The following MAGI2 variants were observed in gnomAD, a reference collection of about 807,000 sequenced individuals.
MAGI2 encodes the protein membrane associated guanylate kinase, WW and PDZ domain containing 2, also known as membrane-associated guanylate kinase, WW and PDZ domain-containing protein 2.
MAGI2 carries 35 observed loss-of-function variants against 133.3 expected under a neutral mutation model. The ratio of observed to expected loss-of-function variants is 0.26; its 90% CI spans 0.20 to 0.35. The LOEUF (loss-of-function observed/expected upper bound fraction) is 0.35. Ranked by LOEUF, MAGI2 falls within the 10% of genes least tolerant of loss-of-function variation. The pLI is 1.00. For missense variants in MAGI2, 1,636 were observed against 1,863.4 expected, an observed-to-expected ratio of 0.88 and a Z score of 2.25; for synonymous variants, 729 against 710.6, an observed-to-expected ratio of 1.03 and a Z score of -0.41.
chr7:78,946,704 T>G (rs574546963), intron 2 of MAGI2: 1 of 152,296 alleles, frequency 6.6e-6, no homozygotes, highest in South Asian at 2.1e-4. Context: ...AATAAGAGGC[T>G]TGTTTCAAAA....
chr7:78,416,861 A>G (rs1798351798), intron 6 of MAGI2, among the ~76,000 whole-genome samples: 1 of 152,140 alleles, frequency 6.6e-6, no homozygotes, highest in Non-Finnish European at 1.5e-5. Flanking sequence ...GTGATTGATA[A>G]GAAACAGGCC....
rs377170931 is a variant in MAGI2 at position 79,404,085 on chromosome 7, G to A, written c.301+48935C>T. Among the ~76,000 whole-genome samples, 11 of 152,170 alleles carry A rather than the reference G, an allele frequency of 7.2e-5. No homozygotes were observed. In the East Asian group the frequency reaches 1.2e-3, roughly 16 times the overall value. ...AACTAATTATAGCCACCTGCTTCTC[G>A]AACTGTCTGACAGTCTAGCCCTATG... On this transcript the variant is annotated intron_variant, in intron 1 of 21. Transcript: ENST00000354212.
intron 2 of MAGI2, among the ~76,000 whole-genome samples, chr7:78,879,700 G>A (rs927259065): frequency 6.6e-6 from 1 of 151,734 alleles, no homozygotes; most frequent in Non-Finnish European, 1.5e-5. Context: ...CATGACCAAA[G>A]GATCATATTA....
intron 1 of MAGI2, among the ~76,000 whole-genome samples, chr7:79,421,441 C>G (rs1421691599): frequency 1.3e-5 from 2 of 151,892 alleles, no homozygotes; most frequent in Non-Finnish European, 2.9e-5. Flanking sequence ...CAAACTCTTG[C>G]TTCTAAAGTA....
intron 14 of MAGI2, among the ~76,000 whole-genome samples, chr7:78,176,681 T>TTTTAAATTTTA (rs1215843962): frequency 6.6e-6 from 1 of 152,030 alleles, no homozygotes; most frequent in African/African-American, 2.4e-5. Flanking sequence ...TTTATTTTTA[T>TTTTAAATTTTA]TTTAAATTTT....
chr7:78,280,336 A>T (rs939290163), intron 9 of MAGI2, among the ~76,000 whole-genome samples: 1 of 152,140 alleles, frequency 6.6e-6, no homozygotes, highest in Non-Finnish European at 1.5e-5. Context: ...GGTGGATACC[A>T]AATTTGTATC....
At chr7:78,180,894 A>G (rs1208644225) in intron 13 of MAGI2, among the ~76,000 whole-genome samples, 1 of 146,140 alleles carries the variant, frequency 6.8e-6, no homozygotes, top group Non-Finnish European at 1.5e-5. Context: ...AAAAAAGTTC[A>G]TATGATAGAT....
At chr7:78,163,494 C>T (rs1825299670) in intron 15 of MAGI2, among the ~76,000 whole-genome samples, 1 of 152,080 alleles carries the variant, frequency 6.6e-6, no homozygotes, top group Non-Finnish European at 1.5e-5. Context: ...CAGTGGAACT[C>T]ATCACTGTGC....
At chr7:78,085,357 G>T (rs938103472) in intron 20 of MAGI2, among the ~76,000 whole-genome samples, 2 of 151,720 alleles carry the variant, frequency 1.3e-5, no homozygotes, top group Non-Finnish European at 2.9e-5. Context: ...GGCAAAACCC[G>T]CATCTCTACA....
intron 3 of MAGI2, among the ~76,000 whole-genome samples, chr7:78,596,393 C>T (rs942589109): frequency 3.2e-4 from 48 of 152,116 alleles, no homozygotes; most frequent in African/African-American, 1.2e-3. Flanking sequence ...AAGAGGACCA[C>T]CATCAGTCCT....
intron 1 of MAGI2, among the ~76,000 whole-genome samples, chr7:79,028,744 G>T (rs1810275029): frequency 6.6e-6 from 1 of 151,976 alleles, no homozygotes; most frequent in Non-Finnish European, 1.5e-5. Flanking sequence ...AACAATATTT[G>T]CTCGGTGCTA....
chr7:78,244,404 TA>T (rs1791538225), intron 10 of MAGI2, among the ~76,000 whole-genome samples: 1 of 152,000 alleles, frequency 6.6e-6, no homozygotes, highest in African/African-American at 2.4e-5. Flanking sequence ...TGAAAAGTTC[TA>T]AAAGGGTACC....
At chr7:78,188,705 C>G (rs963584435) in intron 12 of MAGI2, among the ~76,000 whole-genome samples, 5 of 152,172 alleles carry the variant, frequency 3.3e-5, no homozygotes, top group Admixed American at 6.6e-5. Flanking sequence ...GCACAGTGTT[C>G]ACATGTGAGG....
chr7:78,103,353 A>G (rs985091172), intron 20 of MAGI2, among the ~76,000 whole-genome samples: 7 of 152,232 alleles, frequency 4.6e-5, no homozygotes, highest in Admixed American at 2.6e-4. Context: ...TTATTGATCT[A>G]TACAGACATG....
intron 2 of MAGI2, among the ~76,000 whole-genome samples, chr7:78,930,010 C>T (rs538745607): frequency 5.8e-4 from 88 of 152,122 alleles, no homozygotes; most frequent in Middle Eastern, 3.4e-3. Context: ...GATTTTAAGA[C>T]GTCACCAGTA....
rs114479896 is a variant in MAGI2 at position 78,764,751 on chromosome 7, T to G, written c.419-137512A>C. Among the ~76,000 whole-genome samples, 1,161 of 152,302 alleles carry G rather than the reference T, an allele frequency of 7.6e-3. 14 individuals carry two copies. Among genetic ancestry groups the G allele is most frequent in the African/African-American group, 0.027 (1,115 of 41,550 alleles). ...CCAATTGTTTTTTATAAGTCTTAGC[T>G]CCACAACCGAAAATAGCTTCCTACA... On this transcript the variant is annotated intron_variant, in intron 2 of 21. Transcript: ENST00000354212.
chr7:78,051,482 C>G (rs1811996273), intron 21 of MAGI2, among the ~76,000 whole-genome samples: 1 of 152,156 alleles, frequency 6.6e-6, no homozygotes, highest in African/African-American at 2.4e-5. Flanking sequence ...TGAAGGGAGT[C>G]TTCTTGTGTT....
At chr7:78,121,561 C>G (rs1466003033) in intron 20 of MAGI2, among the ~76,000 whole-genome samples, 2 of 152,116 alleles carry the variant, frequency 1.3e-5, no homozygotes, top group Non-Finnish European at 2.9e-5. Flanking sequence ...TTCTACCTAC[C>G]AGAATGAGAG....
chr7:79,371,903 C>G (rs1843075062), intron 1 of MAGI2, among the ~76,000 whole-genome samples: 1 of 152,104 alleles, frequency 6.6e-6, no homozygotes, highest in African/African-American at 2.4e-5. Context: ...GTTACAAGCA[C>G]CCAGAGTATT....
Sources: gnomAD v4.1 joint callset for allele counts (sites outside exome capture counted in the v4.1 genomes callset) on GRCh38, gnomAD v4.1.1 for gene constraint, MANE v1.5 for transcripts, NCBI Gene and HGNC (gene_info 2026-07-23, HGNC 2026-07-21) for gene names.